KDM4B: variants seen among roughly 807,000 people sequenced by gnomAD.
The protein encoded by KDM4B is lysine-specific demethylase 4B.
In KDM4B, 32 loss-of-function variants were observed where a neutral mutation model predicts 125.2. That is an observed-to-expected ratio of 0.26 (90% CI 0.19 to 0.34). The LOEUF (loss-of-function observed/expected upper bound fraction) is 0.34. Among genes scored for constraint, KDM4B ranks in the 10% least tolerant of loss-of-function variants. KDM4B has a pLI of 1.00. For synonymous variants in KDM4B, 721 were observed against 677.9 expected, an observed-to-expected ratio of 1.06 and a Z score of -0.99; for missense variants, 1,190 against 1,577.7, an observed-to-expected ratio of 0.75 and a Z score of 4.16.
intron 15 of KDM4B, among the ~76,000 whole-genome samples, chr19:5,136,451 C>T (rs552790844): frequency 1.3e-5 from 2 of 152,304 alleles, no homozygotes; most frequent in Admixed American, 6.5e-5. Flanking sequence ...TGTCGGTTTC[C>T]TCCTGGCGGT....
At chr19:5,007,167 C>T (rs1217426521) in intron 1 of KDM4B, among the ~76,000 whole-genome samples, 1 of 152,196 alleles carries the variant, frequency 6.6e-6, no homozygotes, top group African/African-American at 2.4e-5. Flanking sequence ...AGTTGGGGAA[C>T]GTAGCAAAGT....
intron 6 of KDM4B, among the ~76,000 whole-genome samples, chr19:5,067,129 A>C (rs950425410): frequency 5.9e-5 from 9 of 151,936 alleles, no homozygotes; most frequent in African/African-American, 2.2e-4. Context: ...CCTCCTCAAC[A>C]GTGCTGTCTT....
intron 1 of KDM4B, among the ~76,000 whole-genome samples, chr19:4,982,636 G>A (rs935820541): frequency 2.0e-5 from 3 of 148,918 alleles, no homozygotes; most frequent in African/African-American, 5.0e-5. Flanking sequence ...TTTTTGTGGC[G>A]GAGTCTCACT....
intron 10 of KDM4B, chr19:5,112,816 C>G (rs2039176237): frequency 6.6e-6 from 1 of 152,460 alleles, no homozygotes; most frequent in Non-Finnish European, 1.5e-5. Context: ...GATTTCCTGC[C>G]TCCTGTGTGC....
intron 9 of KDM4B, among the ~76,000 whole-genome samples, chr19:5,094,383 C>A (rs1309321550): frequency 6.6e-6 from 1 of 152,112 alleles, no homozygotes; most frequent in East Asian, 1.9e-4. Context: ...CGTCAGAGGT[C>A]GGGGGCTGCA....
chr19:5,089,130 C>G (rs1243430217), intron 9 of KDM4B, among the ~76,000 whole-genome samples: 2 of 152,186 alleles, frequency 1.3e-5, no homozygotes, highest in Admixed American at 6.5e-5. Flanking sequence ...TCTCCCCACT[C>G]TGTGAATACA....
chr19:5,150,538 G>T, intron 22 of KDM4B, 88 bp downstream of exon 22: 2 of 932,826 alleles, frequency 2.1e-6, no homozygotes. Flanking sequence ...TCTTCCAATG[G>T]CGTGGACCAC....
intron 7 of KDM4B, 169 bp from the exon 8 acceptor site, chr19:5,077,198 C>A: frequency 1.5e-6 from 1 of 652,410 alleles, no homozygotes; most frequent in East Asian, 2.6e-5. Context: ...TCCCCCCGAC[C>A]TGCAGGCACT....
intron 1 of KDM4B, among the ~76,000 whole-genome samples, chr19:5,005,043 C>T (rs562391247): frequency 6.6e-6 from 1 of 152,370 alleles, no homozygotes; most frequent in South Asian, 2.1e-4. Context: ...TTTCTGCGCG[C>T]TCTGTGTGTG....
In KDM4B at chr19:4,971,808, G is replaced by A. The variant is rs942708442; in HGVS notation, c.-109+2578G>A. 1.3e-5 allele frequency among the ~76,000 whole-genome samples: 2 copies of A among 152,156 alleles called. No homozygotes were observed. The highest frequency in any genetic ancestry group is 1.9e-4 in the East Asian group (1 of 5,186). On this transcript the variant is annotated intron_variant, in intron 1 of 22. Coordinates refer to ENST00000159111, the MANE Select transcript of KDM4B (RefSeq NM_015015.3). This position sits in a 1 kb window ranked among gnomAD's most constrained non-coding sequence, Gnocchi z 4.1. Reference sequence around the variant, plus strand: ...TGTAGGTGGCTTTGTTCCCTGGATCGGGGAGCGGAATTGGGGGTTCAGAGC... The same window carrying A: ...TGTAGGTGGCTTTGTTCCCTGGATCAGGGAGCGGAATTGGGGGTTCAGAGC...
chr19:4,975,754 G>A (rs1030969739), intron 1 of KDM4B, among the ~76,000 whole-genome samples: 2 of 151,418 alleles, frequency 1.3e-5, no homozygotes, highest in African/African-American at 2.4e-5. Context: ...CACCACGCTC[G>A]ACTAATTTTT....
In KDM4B at chr19:5,035,883, G is replaced by GCGCA. The variant is rs1568244640; in HGVS notation, c.141+2855_141+2856insACGC. Among the ~76,000 whole-genome samples the GCGCA allele has an allele frequency of 4.2e-5, 4 of 96,060 alleles. No homozygotes were observed. The highest frequency in any genetic ancestry group is 7.4e-5 in the Non-Finnish European group (3 of 40,666). The allele number at this position is 96,060 out of a possible 152,430, so 63.0% of individuals were successfully genotyped here. A position where few individuals can be genotyped will look rare whatever the true frequency, so the allele number is the denominator to read the frequency against. On this transcript the variant is annotated intron_variant, in intron 3 of 22. Transcript: ENST00000159111. The surrounding 1 kb of genome is among the most constrained non-coding windows in gnomAD (Gnocchi z 5.3). ...TGTCTCTGTGTGTGTGTGTGTGTGC[G>GCGCA]CGCGCGCGCGCGCCTGCGCGCACAG...
In KDM4B at chr19:4,971,242, C is replaced by T. The variant is rs528596506; in HGVS notation, c.-109+2012C>T. Among the ~76,000 whole-genome samples, 4 of 152,252 alleles carry T rather than the reference C, an allele frequency of 2.6e-5. No individual in the cohort carries two copies. Among genetic ancestry groups the T allele is most frequent in the African/African-American group, 9.6e-5 (4 of 41,562 alleles). ...GCTGATCAGCCACCGCACAGCACCC[C>T]GCCTGGCCTTTGTTGTACTTTTCTG... On this transcript the variant is annotated intron_variant, in intron 1 of 22. Coordinates refer to ENST00000159111, the MANE Select transcript of KDM4B (RefSeq NM_015015.3). The surrounding 1 kb of genome is among the most constrained non-coding windows in gnomAD (Gnocchi z 4.1).
Position 5,082,713 on chromosome 19 carries a change from G to A in KDM4B, c.918+209G>A, listed in dbSNP as rs759072760. Among the ~76,000 whole-genome samples the A allele has an allele frequency of 3.3e-5, 5 of 152,328 alleles. No individual in the cohort carries two copies. Among genetic ancestry groups the A allele is most frequent in the South Asian group, 4.1e-4 (2 of 4,820 alleles). ...AGACTGGAGAGGAGGTGGGCAGGTC[G>A]GGTGGACGATGGTGGCCCAGGGCCC... On this transcript the variant is annotated intron_variant, in intron 9 of 22. Transcript: ENST00000159111. This position sits in a 1 kb window ranked among gnomAD's most constrained non-coding sequence, Gnocchi z 5.4.
At chr19:4,982,693 A>G (rs536100508) in intron 1 of KDM4B, among the ~76,000 whole-genome samples, 2 of 149,894 alleles carry the variant, frequency 1.3e-5, no homozygotes, top group East Asian at 2.0e-4. Flanking sequence ...GCTCACTGCA[A>G]CCTCCACCTC....
intron 1 of KDM4B, among the ~76,000 whole-genome samples, chr19:5,001,050 G>A (rs1341854471): frequency 6.9e-6 from 1 of 144,752 alleles, no homozygotes; most frequent in Admixed American, 6.9e-5. Flanking sequence ...TTTTTTTTTT[G>A]AGACAGAGTC....
At chr19:5,044,610 G>A (rs1364788338) in intron 5 of KDM4B, among the ~76,000 whole-genome samples, 2 of 152,148 alleles carry the variant, frequency 1.3e-5, no homozygotes, top group Non-Finnish European at 2.9e-5. Context: ...GTGCAGTGGC[G>A]CAATCTCAGC....
chr19:5,039,638 A>G (rs547214964), intron 3 of KDM4B, among the ~76,000 whole-genome samples, 198 bp from the exon 4 acceptor site: 51 of 152,206 alleles, frequency 3.4e-4, no homozygotes, highest in African/African-American at 1.1e-3. Flanking sequence ...CTGCCCTAGC[A>G]GGTGAGGCCC....
chr19:5,057,253 C>T (rs1386956696), intron 6 of KDM4B, among the ~76,000 whole-genome samples: 3 of 152,034 alleles, frequency 2.0e-5, no homozygotes, highest in South Asian at 2.1e-4. Context: ...GCCTGTGGCC[C>T]GGGCAGTGAG....
Sources: allele counts gnomAD v4.1 joint callset (sites outside exome capture counted in the v4.1 genomes callset), GRCh38; gene constraint gnomAD v4.1.1; non-coding constraint Gnocchi (gnomAD v3.1); transcripts MANE v1.5; gene names NCBI Gene and HGNC (gene_info 2026-07-23, HGNC 2026-07-21).